LARP1: variants seen among roughly 807,000 people sequenced by gnomAD.
The protein encoded by LARP1 is la-related protein 1.
A neutral mutation model predicts 122.7 loss-of-function variants in LARP1; 36 were observed. The ratio of observed to expected loss-of-function variants is 0.29; its 90% confidence interval spans 0.22 to 0.39. The LOEUF is 0.39. Among genes scored for constraint, LARP1 ranks in the 10% least tolerant of loss-of-function variants. The probability of loss-of-function intolerance (pLI) is 1.00; values close to 1 mark genes in which losing one functional copy is unlikely to be tolerated. For missense variants in LARP1, 1,040 were observed against 1,403.6 expected (o/e 0.74, Z 4.14); for synonymous variants, 539 against 528.7 (o/e 1.02, Z -0.27).
Position 154,814,264 on chromosome 5 carries a change from A to G in LARP1, c.*168A>G, listed in dbSNP as rs1582503887. ...ATACACCATTTGGGCTATCAGAGGT[A>G]CCCCTGGGCAGGAGCCTCTACATCC... On this transcript the variant is annotated 3_prime_UTR_variant, in exon 19 of 19. Coordinates refer to ENST00000518297, the MANE Select transcript of LARP1 (RefSeq NM_033551.3). 3.2e-6 allele frequency: 2 copies of G among 631,070 alleles called. No individual in the cohort carries two copies. Among genetic ancestry groups the G allele is most frequent in the South Asian group, 2.3e-5 (1 of 44,126 alleles). 39.1% of individuals were successfully genotyped at this position (631,070 alleles called of 1,614,324 possible).
At chr5:154,701,622 C>CTTT (rs70981938) in intron 1 of LARP1, among the ~76,000 whole-genome samples, 6 of 135,452 alleles carry the variant, frequency 4.4e-5, no homozygotes, top group African/African-American at 1.1e-4. Context: ...GGGAAACTTT[C>CTTT]TTTTTTTTTT....
chr5:154,743,864 C>A (rs996544939), intron 1 of LARP1, among the ~76,000 whole-genome samples: 2 of 152,154 alleles, frequency 1.3e-5, no homozygotes, highest in African/African-American at 4.8e-5. Context: ...AAGTGAATCG[C>A]CTGCCTTGGC....
At chr5:154,759,899 T>TATAAGTGTTCTAAGTGCA (rs1754305364) in intron 1 of LARP1, among the ~76,000 whole-genome samples, 1 of 151,992 alleles carries the variant, frequency 6.6e-6, no homozygotes, top group South Asian at 2.1e-4. Context: ...TCTGAGTGCA[T>TATAAGTGTTCTAAGTGCA]TTAAGATAGG....
At chr5:154,799,507 G>A (rs1353544614) in intron 8 of LARP1, 84 bp from the exon 9 acceptor site, 1 of 1,471,434 alleles carries the variant, frequency 6.8e-7, no homozygotes, top group Non-Finnish European at 9.4e-7. Context: ...ACCAAGCTCA[G>A]GGGAACCCAG....
chr5:154,700,497 AC>A (rs553456721), intron 1 of LARP1, among the ~76,000 whole-genome samples: 211 of 152,040 alleles, frequency 1.4e-3, no homozygotes, highest in Admixed American at 3.7e-3. Flanking sequence ...GTGCTACTGC[AC>A]TCCAGCCTGG....
chr5:154,771,588 C>T (rs537801076), intron 1 of LARP1, among the ~76,000 whole-genome samples: 3 of 152,266 alleles, frequency 2.0e-5, no homozygotes, highest in Non-Finnish European at 4.4e-5. Flanking sequence ...AAACTGTTGG[C>T]GGGGAGAGAG....
chr5:154,739,653 C>T (rs1437538267), intron 1 of LARP1, among the ~76,000 whole-genome samples: 1 of 152,066 alleles, frequency 6.6e-6, no homozygotes, highest in African/African-American at 2.4e-5. Context: ...CCTACCTCAG[C>T]CTCTCAAAAT....
chr5:154,711,101 A>G (rs1755194890), upstream of LARP1, among the ~76,000 whole-genome samples: 2 of 150,504 alleles, frequency 1.3e-5, no homozygotes, highest in African/African-American at 4.9e-5. Flanking sequence ...AGACTACTAC[A>G]TATTCCGTCA....
intron 1 of LARP1, among the ~76,000 whole-genome samples, chr5:154,765,981 T>C (rs1344561115): frequency 1.3e-5 from 2 of 151,920 alleles, no homozygotes; most frequent in Non-Finnish European, 2.9e-5. Context: ...TCCCAAAGTA[T>C]GGAATTCTTT....
chr5:154,694,815 G>C (rs1398184150), intron 1 of LARP1, among the ~76,000 whole-genome samples: 1 of 152,004 alleles, frequency 6.6e-6, no homozygotes, highest in African/African-American at 2.4e-5. Flanking sequence ...GTTGCTATGT[G>C]ATTGATGTAT....
intron 1 of LARP1, among the ~76,000 whole-genome samples, chr5:154,746,033 C>T (rs1178613181): frequency 6.6e-6 from 1 of 152,184 alleles, no homozygotes; most frequent in Non-Finnish European, 1.5e-5. Context: ...CTCCTGACCT[C>T]GTGATCTACC....
upstream of LARP1, among the ~76,000 whole-genome samples, chr5:154,708,061 C>G (rs1017553963): frequency 2.0e-5 from 3 of 152,186 alleles, no homozygotes; most frequent in African/African-American, 7.2e-5. Flanking sequence ...AAATGGGTCG[C>G]GGATCCATTC....
intron 1 of LARP1, chr5:154,729,272 C>T (rs1756413522): frequency 5.6e-6 from 1 of 178,010 alleles, no homozygotes; most frequent in African/African-American, 2.4e-5. Context: ...AATACATGTT[C>T]TCTAGGTCTT....
chr5:154,707,257 TA>T (rs1314573032), intron 1 of LARP1, among the ~76,000 whole-genome samples: 3 of 152,194 alleles, frequency 2.0e-5, no homozygotes, highest in African/African-American at 7.2e-5. Flanking sequence ...AAAAATGTTT[TA>T]ATGTAAAATA....
intron 1 of LARP1, among the ~76,000 whole-genome samples, chr5:154,735,032 A>G (rs866801602): frequency 1.1e-4 from 16 of 152,298 alleles, no homozygotes; most frequent in Middle Eastern, 6.8e-3. Flanking sequence ...ATAATATTCC[A>G]TGGTATATAT....
intron 1 of LARP1, chr5:154,756,589 C>G: frequency 2.5e-6 from 2 of 805,932 alleles, no homozygotes; most frequent in Non-Finnish European, 3.0e-6. Context: ...CCGGCGCTCC[C>G]CGTTTTGGTA....
At chr5:154,808,292 G>A (rs149247679) in intron 15 of LARP1, among the ~76,000 whole-genome samples, 167 bp from the exon 16 acceptor site, 57 of 152,330 alleles carry the variant, frequency 3.7e-4, no homozygotes, top group African/African-American at 1.3e-3. Flanking sequence ...GGGGCAGAGT[G>A]GTTAGTGCTC....
chr5:154,758,492 G>A (rs960488840), intron 1 of LARP1, among the ~76,000 whole-genome samples: 1 of 152,180 alleles, frequency 6.6e-6, no homozygotes, highest in African/African-American at 2.4e-5. Context: ...TGCATTTTGA[G>A]AGAGAATTCT....
At position 154,790,636 on chromosome 5, in the gene LARP1, TC is replaced by T; in HGVS notation, c.499-6del. The T allele has an allele frequency of 6.2e-7, 1 of 1,614,070 alleles. No homozygotes were observed. The highest frequency in any genetic ancestry group is 8.5e-7 in the Non-Finnish European group (1 of 1,179,956). On this transcript the variant is annotated splice_polypyrimidine_tract_variant and splice_region_variant and intron_variant, in intron 2 of 18. Coordinates refer to ENST00000518297, the MANE Select transcript of LARP1 (RefSeq NM_033551.3). ...CTCCTGGGGCCCTCATAGTGTATGT[TC>T]CCTGCAGGTTGGTGACTTTGGAGAT...
Sources: gnomAD v4.1 joint callset for allele counts (sites outside exome capture counted in the v4.1 genomes callset) on GRCh38, gnomAD v4.1.1 for gene constraint, MANE v1.5 for transcripts, NCBI Gene and HGNC (gene_info 2026-07-23, HGNC 2026-07-21) for gene names.